Variants in MEIKIN observed in about 807,000 individuals in gnomAD.
The protein encoded by MEIKIN is meiotic kinetochore factor.
chr5:131,869,424 T>C (rs1183321086), intron 9 of MEIKIN, among the ~76,000 whole-genome samples: 1 of 152,200 alleles, frequency 6.6e-6, no homozygotes, highest in Non-Finnish European at 1.5e-5. Flanking sequence ...ATCAGTCCTT[T>C]GACTTTTTCT....
chr5:131,851,874 G>A (rs1199581950), intron 10 of MEIKIN, among the ~76,000 whole-genome samples: 2 of 152,164 alleles, frequency 1.3e-5, no homozygotes, highest in Non-Finnish European at 2.9e-5. Flanking sequence ...TTTACATCAG[G>A]AACTTTAGCA....
intron 9 of MEIKIN, among the ~76,000 whole-genome samples, chr5:131,869,608 G>A (rs1003412826): frequency 3.2e-4 from 48 of 152,090 alleles, no homozygotes; most frequent in African/African-American, 1.0e-3. Flanking sequence ...GAATATTCTC[G>A]CATTCTGTTT....
intron 12 of MEIKIN, among the ~76,000 whole-genome samples, chr5:131,809,339 A>G (rs1772909415): frequency 6.6e-6 from 1 of 152,206 alleles, no homozygotes; most frequent in Admixed American, 6.5e-5. Flanking sequence ...GGATTTCTTT[A>G]TCCCCAAGGC....
intron 9 of MEIKIN, among the ~76,000 whole-genome samples, chr5:131,862,082 G>C (rs1750295051): frequency 6.6e-6 from 1 of 151,950 alleles, no homozygotes; most frequent in African/African-American, 2.4e-5. Flanking sequence ...TCTGATCCTG[G>C]GCTTTTCTTT....
chr5:131,905,814 G>T (rs1282757160), intron 8 of MEIKIN, among the ~76,000 whole-genome samples: 3 of 152,074 alleles, frequency 2.0e-5, no homozygotes, highest in Non-Finnish European at 4.4e-5. Flanking sequence ...GGGATAACTG[G>T]CCAGCCATAT....
intron 6 of MEIKIN, among the ~76,000 whole-genome samples, chr5:131,918,192 G>C (rs1751446106): frequency 6.6e-6 from 1 of 152,188 alleles, no homozygotes; most frequent in Non-Finnish European, 1.5e-5. Flanking sequence ...AACTGACATA[G>C]AGGGATCCTG....
chr5:131,863,537 A>G (rs1750324618), intron 9 of MEIKIN, among the ~76,000 whole-genome samples: 1 of 116,062 alleles, frequency 8.6e-6, no homozygotes, highest in Non-Finnish European at 1.8e-5. Context: ...TTTTATCATT[A>G]TATAATGACC....
At chr5:131,914,107 C>T (rs1221162770) in intron 7 of MEIKIN, among the ~76,000 whole-genome samples, 1 of 152,126 alleles carries the variant, frequency 6.6e-6, no homozygotes, top group Non-Finnish European at 1.5e-5. Context: ...CATGTTCAGT[C>T]CCTTTGCTAT....
At chr5:131,921,748 G>C (rs544119966) in intron 6 of MEIKIN, 74 bp downstream of exon 6, 1 of 397,622 alleles carries the variant, frequency 2.5e-6, no homozygotes, top group Admixed American at 4.4e-5. Context: ...ACTTAGCTTA[G>C]AAATCATTCA....
At position 131,864,338 on chromosome 5, in the gene MEIKIN, G is replaced by A. The variant is rs78870494; in HGVS notation, c.775-9504C>T. Among the ~76,000 whole-genome samples the A allele has an allele frequency of 6.7e-4, 102 of 152,116 alleles. No individual in the cohort carries two copies. The East Asian group carries it at 0.019, about 28-fold the overall frequency. On this transcript the variant is annotated intron_variant, in intron 9 of 12. Transcript: ENST00000442687. The stretch of plus-strand genomic sequence containing the variant: ...CTTTGTGTGTTTGCTTTACTTGTGA[G>A]TTTTATAGTTTCATGTGTTTTCATG...
intron 11 of MEIKIN, among the ~76,000 whole-genome samples, chr5:131,849,439 A>G (rs1389070268): frequency 3.2e-5 from 2 of 63,180 alleles, no homozygotes; most frequent in Admixed American, 3.3e-4. Context: ...ATATAAAGAA[A>G]CCTCTTTTCT....
chr5:131,819,299 T>A (rs1323646945), intron 11 of MEIKIN, among the ~76,000 whole-genome samples: 1 of 151,628 alleles, frequency 6.6e-6, no homozygotes, highest in Non-Finnish European at 1.5e-5. Context: ...AGGCAGATAG[T>A]CTCCAGAATA....
At chr5:131,813,844 C>T (rs1212783791) in intron 12 of MEIKIN, among the ~76,000 whole-genome samples, 11 of 152,080 alleles carry the variant, frequency 7.2e-5, no homozygotes, top group Non-Finnish European at 1.5e-4. Context: ...AATATATATA[C>T]ATAAAAGGGA....
At chr5:131,891,891 G>A (rs1242917923) in intron 8 of MEIKIN, among the ~76,000 whole-genome samples, 1 of 152,164 alleles carries the variant, frequency 6.6e-6, no homozygotes, top group Non-Finnish European at 1.5e-5. Context: ...TCCCTCAGAA[G>A]CTCTTTTAGG....
intron 11 of MEIKIN, among the ~76,000 whole-genome samples, chr5:131,829,710 G>T (rs1472114804): frequency 6.6e-6 from 1 of 152,134 alleles, no homozygotes; most frequent in African/African-American, 2.4e-5. Flanking sequence ...TGGAAATAGG[G>T]TCTCTGCAGA....
At chr5:131,832,977 A>G (rs1033344763) in intron 11 of MEIKIN, among the ~76,000 whole-genome samples, 1 of 152,162 alleles carries the variant, frequency 6.6e-6, no homozygotes, top group Non-Finnish European at 1.5e-5. Flanking sequence ...CCCTGGAGAC[A>G]TTTTCCCCAT....
At chr5:131,943,235 GA>G (rs1205958325) in intron 3 of MEIKIN, among the ~76,000 whole-genome samples, 3 of 152,036 alleles carry the variant, frequency 2.0e-5, no homozygotes, top group Non-Finnish European at 4.4e-5. Context: ...TCAAAGAAAT[GA>G]AAAGTAAAAA....
At chr5:131,907,080 C>T (rs77578107) in intron 8 of MEIKIN, among the ~76,000 whole-genome samples, 34 of 152,078 alleles carry the variant, frequency 2.2e-4, no homozygotes, top group African/African-American at 8.2e-4. Context: ...ACAATATGCT[C>T]CTGAATGACT....
At chr5:131,888,319 C>T (rs1244997980) in intron 8 of MEIKIN, among the ~76,000 whole-genome samples, 1 of 142,382 alleles carries the variant, frequency 7.0e-6, no homozygotes, top group Non-Finnish European at 1.5e-5. Context: ...AGTTTACAGT[C>T]CCACCAACAG....
Sources: gnomAD v4.1 joint callset for allele counts (sites outside exome capture counted in the v4.1 genomes callset) on GRCh38, gnomAD v4.1.1 for gene constraint, MANE v1.5 for transcripts, NCBI Gene and HGNC (gene_info 2026-07-23, HGNC 2026-07-21) for gene names.